Variants in BAHCC1 observed in about 807,000 individuals in gnomAD.
BAHCC1 encodes BAH and coiled-coil domain-containing protein 1.
In BAHCC1, 43 loss-of-function variants were observed where a neutral mutation model predicts 88.2. The ratio of observed to expected loss-of-function variants is 0.49; its 90% confidence interval spans 0.38 to 0.63. The LOEUF (loss-of-function observed/expected upper bound fraction) is 0.63. BAHCC1 is among the 20% of genes least tolerant of loss of function. The probability of loss-of-function intolerance (pLI) is 0.00; values close to 1 mark genes in which losing one functional copy is unlikely to be tolerated. For missense variants in BAHCC1, 3,023 were observed against 1,654.8 expected, an observed-to-expected ratio of 1.83 and a Z score of -14.34; for synonymous variants, 1,510 against 745.5, an observed-to-expected ratio of 2.03 and a Z score of -16.71.
At chr17:81,415,067 C>T (rs532751449) in intron 2 of BAHCC1, among the ~76,000 whole-genome samples, 2 of 145,546 alleles carry the variant, frequency 1.4e-5, no homozygotes, top group Non-Finnish European at 1.5e-5. Flanking sequence ...GCCCTTCCCG[C>T]CCCGGCCCCT....
At position 81,464,817 on chromosome 17, in the gene BAHCC1, G is replaced by A. The variant is rs12952209; in HGVS notation, c.*1000G>A. The A allele has an allele frequency of 0.44, 66,712 of 152,158 alleles. 15,843 individuals carry two copies. The highest frequency in any genetic ancestry group is 0.54 in the Non-Finnish European group (36,620 of 67,920). The allele number at this position is 152,158 out of a possible 1,614,324, so 9.4% of individuals were successfully genotyped here. A position where few individuals can be genotyped will look rare whatever the true frequency, so the allele number is the denominator to read the frequency against. Reference sequence around the variant, plus strand: ...CAGAGCAGGGAGGGGCTGGCCCCTCGCCCCCCTCACCCTCGCCGCCCTGGC... The same window carrying A: ...CAGAGCAGGGAGGGGCTGGCCCCTCACCCCCCTCACCCTCGCCGCCCTGGC... On this transcript the variant is annotated 3_prime_UTR_variant, in exon 28 of 28. Transcript: ENST00000675386.
intron 1 of BAHCC1, among the ~76,000 whole-genome samples, chr17:81,397,498 C>T (rs1555645108): frequency 6.6e-6 from 1 of 152,120 alleles, no homozygotes; most frequent in Non-Finnish European, 1.5e-5. Context: ...CCCCCGGCCC[C>T]TCTCCGGCCT....
intron 2 of BAHCC1, among the ~76,000 whole-genome samples, chr17:81,423,347 C>T (rs2064137656): frequency 6.6e-6 from 1 of 152,206 alleles, no homozygotes; most frequent in Non-Finnish European, 1.5e-5. Flanking sequence ...AGGGCAGCCC[C>T]CGCCGCCCCC....
In BAHCC1 at chr17:81,411,474, CCCTGCCTGCCTGCCTG is replaced by C. The variant is rs869057944; in HGVS notation, c.178+11585_178+11600del. On this transcript the variant is annotated intron_variant, in intron 2 of 27. Transcript: ENST00000675386. The surrounding 1 kb of genome is among the most constrained non-coding windows in gnomAD (Gnocchi z 6.2). ...CCTTGAGGTCGTCAGCCAGCCCCAC[CCCTGCCTGCCTGCCTG>C]CCTGCCTGCCTGCCTGCCTGCCTGC... 6.8e-5 allele frequency: 17 copies of C among 251,808 alleles called. No individual in the cohort carries two copies. In the East Asian group the frequency reaches 1.5e-3, roughly 23 times the overall value. 15.6% of individuals were successfully genotyped at this position (251,808 alleles called of 1,614,324 possible). A position where few individuals can be genotyped will look rare whatever the true frequency, so the allele number is the denominator to read the frequency against.
intron 3 of BAHCC1, among the ~76,000 whole-genome samples, chr17:81,436,709 C>T (rs1250320996): frequency 6.6e-6 from 1 of 152,152 alleles, no homozygotes; most frequent in Non-Finnish European, 1.5e-5. Flanking sequence ...CCAGGCCAGT[C>T]GGCCAGGCTC....
chr17:81,426,651 C>T (rs887135218), intron 2 of BAHCC1, 149 bp from the exon 3 acceptor site: 63 of 397,744 alleles, frequency 1.6e-4, no homozygotes, highest in Non-Finnish European at 2.3e-4. Flanking sequence ...TTCCCATCAT[C>T]GGTTTCTTGG....
chr17:81,432,586 T>TCCCTCCCATCGCCGGGC (rs2064275498), intron 3 of BAHCC1, among the ~76,000 whole-genome samples: 3 of 16,998 alleles, frequency 1.8e-4, no homozygotes, highest in African/African-American at 8.2e-4. Flanking sequence ...CACCCTCCCC[T>TCCCTCCCATCGCCGGGC]CCAGCCCTGG....
intron 2 of BAHCC1, chr17:81,413,291 C>T (rs905707662): frequency 4.5e-6 from 1 of 221,646 alleles, no homozygotes; most frequent in Non-Finnish European, 9.4e-6. Context: ...CCCATGCCCT[C>T]GGCCTCCTTC....
At chr17:81,432,448 T>C (rs2064271177) in intron 3 of BAHCC1, among the ~76,000 whole-genome samples, 1 of 148,368 alleles carries the variant, frequency 6.7e-6, no homozygotes, top group Non-Finnish European at 1.5e-5. Flanking sequence ...GTTTTGGGGG[T>C]CGTGTGGTTG....
chr17:81,459,104 C>T lies in BAHCC1; in HGVS notation c.5656C>T (p.Leu1886Phe). The T allele has an allele frequency of 1.3e-6, 1 of 771,794 alleles. No individual in the cohort carries two copies. The highest frequency in any genetic ancestry group is 2.4e-6 in the Non-Finnish European group (1 of 414,730). 47.8% of individuals were successfully genotyped at this position (771,794 alleles called of 1,614,324 possible). A position where few individuals can be genotyped will look rare whatever the true frequency, so the allele number is the denominator to read the frequency against. Residue 1886 changes from leucine (L) to phenylalanine (F), a missense_variant, in exon 21 of 28, where the codon CTC becomes TTC. Physicochemically the swap from Leu to Phe is conservative, Grantham distance 22 (BLOSUM62 0). Transcript: ENST00000675386. ...GGACCTGCGGGACGGGCTGCCCGTG[C>T]TCATCCCCAAGGAGGATAGCCTGCT... The part of the protein sequence containing the change: ...KEDLRDGLPV[L>F]IPKEDSLLYA...
chr17:81,397,409 A>AC (rs2063757045), intron 1 of BAHCC1, among the ~76,000 whole-genome samples: 1 of 149,732 alleles, frequency 6.7e-6, no homozygotes, highest in Non-Finnish European at 1.5e-5. Flanking sequence ...AAAAAAAAAA[A>AC]AAACAACCAC....
At position 81,458,976 on chromosome 17, in the gene BAHCC1, AG is replaced by A; in HGVS notation, c.5605+10del. 1.4e-6 allele frequency: 1 copy of A among 720,626 alleles called. No individual in the cohort carries two copies. The highest frequency in any genetic ancestry group is 2.6e-5 in the East Asian group (1 of 39,052). 44.6% of individuals were successfully genotyped at this position (720,626 alleles called of 1,614,324 possible). On this transcript the variant is annotated splice_region_variant and intron_variant, in intron 20 of 27. Transcript: ENST00000675386. ...GAGCAGAGCGCCGCCCTAGGTGAGC[AG>A]GGCCAGGAAGGGTGCCAGCCGCCTG...
intron 2 of BAHCC1, among the ~76,000 whole-genome samples, chr17:81,409,120 A>G (rs1712377257): frequency 6.6e-6 from 1 of 152,174 alleles, no homozygotes; most frequent in South Asian, 2.1e-4. Context: ...ATTAAAAATC[A>G]AGGTGTTCCC....
At position 81,420,496 on chromosome 17, in the gene BAHCC1, C is replaced by T. The variant is rs529714900; in HGVS notation, c.179-6304C>T. ...GTCTAGTTGGCTGGACCTTGGGCTC[C>T]GGGTCAGACTGGCCTCCCAGGGATG... On this transcript the variant is annotated intron_variant, in intron 2 of 27. Coordinates refer to ENST00000675386, the MANE Select transcript of BAHCC1 (RefSeq NM_001377448.1). Among the ~76,000 whole-genome samples the T allele has an allele frequency of 1.5e-3, 227 of 152,372 alleles. 1 individual carries two copies. The highest frequency in any genetic ancestry group is 5.1e-3 in the African/African-American group (213 of 41,598).
intron 3 of BAHCC1, among the ~76,000 whole-genome samples, chr17:81,436,841 A>C (rs1568013793): frequency 6.6e-6 from 1 of 152,110 alleles, no homozygotes; most frequent in Non-Finnish European, 1.5e-5. Flanking sequence ...ATGGGGCTTC[A>C]CCCTGTCAAG....
chr17:81,433,735 G>A (rs1002606929), intron 3 of BAHCC1, among the ~76,000 whole-genome samples: 4 of 152,032 alleles, frequency 2.6e-5, no homozygotes, highest in Non-Finnish European at 5.9e-5. Flanking sequence ...CCGGGCAGGT[G>A]TCGTCAGTCC....
chr17:81,463,496 C>T (rs1185709429), intron 27 of BAHCC1, 115 bp from the exon 28 acceptor site: 19 of 685,522 alleles, frequency 2.8e-5, no homozygotes, highest in Non-Finnish European at 5.1e-5. Flanking sequence ...TCCGGCCACA[C>T]AGAAGTCCAT....
intron 3 of BAHCC1, among the ~76,000 whole-genome samples, chr17:81,433,875 G>A (rs902838690): frequency 2.6e-5 from 4 of 152,238 alleles, no homozygotes; most frequent in Admixed American, 1.3e-4. Flanking sequence ...GGGTAGACCC[G>A]TGCACTGCAC....
intron 2 of BAHCC1, among the ~76,000 whole-genome samples, chr17:81,410,599 C>T (rs782382833): frequency 7.3e-5 from 11 of 150,624 alleles, no homozygotes; most frequent in East Asian, 5.9e-4. Flanking sequence ...CGAGGCACCA[C>T]GGGTCCTGGC....
Sources: allele counts gnomAD v4.1 joint callset (sites outside exome capture counted in the v4.1 genomes callset), GRCh38; gene constraint gnomAD v4.1.1; non-coding constraint Gnocchi (gnomAD v3.1); transcripts MANE v1.5; gene names NCBI Gene and HGNC (gene_info 2026-07-23, HGNC 2026-07-21).